The following RELN variants were observed in gnomAD, a reference collection of about 807,000 sequenced individuals.
The protein encoded by RELN is reelin.
Under a neutral mutation model 427.6 loss-of-function variants are expected in RELN, and 108 were observed. That is an observed-to-expected ratio of 0.25 (90% CI 0.22 to 0.30). The LOEUF (loss-of-function observed/expected upper bound fraction) is 0.30, where lower values mean the gene tolerates loss of function less well. Ranked by LOEUF, RELN falls within the 10% of genes least tolerant of loss-of-function variation. RELN has a pLI of 1.00. For missense variants in RELN, 3,715 were observed against 4,302.8 expected, an observed-to-expected ratio of 0.86 and a Z score of 3.82; for synonymous variants, 1,524 against 1,513.4, an observed-to-expected ratio of 1.01 and a Z score of -0.16.
intron 3 of RELN, among the ~76,000 whole-genome samples, chr7:103,813,771 C>T (rs2116347666): frequency 6.6e-6 from 1 of 152,184 alleles, no homozygotes; most frequent in East Asian, 1.9e-4. Context: ...GAAGATTTTT[C>T]TCTGTATTTT....
At chr7:103,724,326 A>T (rs367856447) in intron 7 of RELN, among the ~76,000 whole-genome samples, 3 of 152,286 alleles carry the variant, frequency 2.0e-5, no homozygotes, top group South Asian at 4.1e-4. Flanking sequence ...CAAGTGCTAT[A>T]CAATTCATGA....
chr7:103,793,489 A>C (rs1792218084), intron 3 of RELN, among the ~76,000 whole-genome samples: 1 of 151,876 alleles, frequency 6.6e-6, no homozygotes, highest in Admixed American at 6.6e-5. Context: ...AATTAGACTG[A>C]CTCTTCTCAG....
intron 16 of RELN, 52 bp downstream of exon 16, chr7:103,650,222 C>G (rs1219937888): frequency 9.1e-7 from 1 of 1,099,440 alleles, no homozygotes; most frequent in African/African-American, 1.5e-5. Flanking sequence ...AACAAAAGCA[C>G]AGGAAGACTC....
chr7:103,523,310 C>G, intron 47 of RELN, 81 bp downstream of exon 47: 1 of 1,548,708 alleles, frequency 6.5e-7, no homozygotes, highest in South Asian at 1.1e-5. Flanking sequence ...GGGAGTGATT[C>G]AAAAACCAGT....
Position 103,495,892 on chromosome 7 carries a change from G to A in RELN, c.9200C>T (p.Thr3067Ile). 6.2e-7 allele frequency: 1 copy of A among 1,613,584 alleles called. No homozygotes were observed. Among genetic ancestry groups the A allele is most frequent in the Non-Finnish European group, 8.5e-7 (1 of 1,179,786 alleles). ...QLVDTFDDEG[T>I]SHEENWSFYP... ...AAAACTCCAGTTTTCTTCATGGGAAGTGCCTTCTGTTAAGGAAAATTGGAA... is the reference window on the plus strand; with the variant it reads ...AAAACTCCAGTTTTCTTCATGGGAAATGCCTTCTGTTAAGGAAAATTGGAA... Residue 3067 changes from threonine to isoleucine, a missense_variant, in exon 57 of 65, where the codon ACT becomes ATT. Physicochemically the swap from Thr to Ile is moderately conservative, Grantham distance 89 (BLOSUM62 -1). This residue lies in a region of RELN where 1,310 missense variants were observed against 1,643.0 expected (regional missense o/e 0.80). Coordinates refer to ENST00000428762, the MANE Select transcript of RELN (RefSeq NM_005045.4).
Position 103,700,910 on chromosome 7 carries a change from C to G in RELN, c.902G>C (p.Arg301Thr). 6.4e-7 allele frequency: 1 copy of G among 1,574,460 alleles called. No individual in the cohort carries two copies. Among genetic ancestry groups the G allele is most frequent in the Non-Finnish European group, 8.7e-7 (1 of 1,144,156 alleles). ...SADWIQLEKI[R>T]APSNVSTIIH... is the part of the protein sequence containing the mutation. ...GAAAATACTTTAAATTACAACAAAC[C>G]TAATTTTCTCTAGCTGAATCCAGTC... is the stretch of plus-strand genomic sequence containing the variant. Residue 301 changes from arginine to threonine, a missense_variant and splice_region_variant, in exon 9 of 65, where the codon AGA (arginine) becomes ACA (threonine). Arg to Thr is a moderately conservative substitution (Grantham distance 71). Around this residue, in one of 4 missense-constraint regions of RELN, gnomAD observed 2,208 missense variants for 2,361.7 expected, o/e 0.93. Coordinates refer to ENST00000428762, the MANE Select transcript of RELN (RefSeq NM_005045.4).
At chr7:103,700,765 T>C (rs1332987051) in intron 9 of RELN, 145 bp downstream of exon 9, 3 of 680,810 alleles carry the variant, frequency 4.4e-6, no homozygotes, top group South Asian at 3.3e-5. Flanking sequence ...CTGGTCATAA[T>C]ATGTGCATCC....
chr7:103,779,082 C>T lies in RELN; in HGVS notation c.474-2455G>A, dbSNP rs901308474. ...ATTAATGGTAGATAAGATCTGATTT[C>T]AGGTCTTAGATTCGAGGCCTTGGAT... On this transcript the variant is annotated intron_variant, in intron 3 of 64. Coordinates refer to ENST00000428762, the MANE Select transcript of RELN (RefSeq NM_005045.4). 8.0e-4 allele frequency among the ~76,000 whole-genome samples: 121 copies of T among 152,142 alleles called. 1 individual carries two copies. Among genetic ancestry groups the T allele is most frequent in the African/African-American group, 2.9e-3 (120 of 41,432 alleles).
At chr7:103,638,892 C>A (rs772490754) in intron 17 of RELN, among the ~76,000 whole-genome samples, 1 of 152,184 alleles carries the variant, frequency 6.6e-6, no homozygotes, top group Non-Finnish European at 1.5e-5. Flanking sequence ...GAATATGATA[C>A]ACATAAAATG....
At chr7:103,706,143 T>C (rs73410852) in intron 8 of RELN, among the ~76,000 whole-genome samples, 12,039 of 151,942 alleles carry the variant, frequency 0.079, 1,314 homozygotes, top group African/African-American at 0.25. Context: ...AAAACCAAGA[T>C]CTAACTGAGT....
chr7:103,532,053 A>G lies in RELN; in HGVS notation c.7349+3263T>C, dbSNP rs553692278. ...ATGGAATCAACCTAATAGCCCATCAATGATAGACTGGATAAAGAAAATGTG... is the reference window on the plus strand; with the variant it reads ...ATGGAATCAACCTAATAGCCCATCAGTGATAGACTGGATAAAGAAAATGTG... On this transcript the variant is annotated intron_variant, in intron 46 of 64. Coordinates refer to ENST00000428762, the MANE Select transcript of RELN (RefSeq NM_005045.4). 7.2e-5 allele frequency among the ~76,000 whole-genome samples: 11 copies of G among 152,362 alleles called. No homozygotes were observed. The East Asian group carries it at 1.9e-3, about 27-fold the overall frequency.
chr7:103,686,960 C>T (rs1833777698), intron 10 of RELN, among the ~76,000 whole-genome samples: 1 of 152,056 alleles, frequency 6.6e-6, no homozygotes, highest in Admixed American at 6.6e-5. Context: ...TGCAGGAGGG[C>T]TGAAGTGCAT....
At position 103,565,507 on chromosome 7, in the gene RELN, A is replaced by T; in HGVS notation, c.4981T>A (p.Ser1661Thr). 6.2e-7 allele frequency: 1 copy of T among 1,613,884 alleles called. No homozygotes were observed. The highest frequency in any genetic ancestry group is 8.5e-7 in the Non-Finnish European group (1 of 1,179,926). Residue 1661 changes from serine (S) to threonine (T), a missense_variant, in exon 34 of 65, where the codon TCT becomes ACT. This residue lies in a region of RELN where 2,208 missense variants were observed against 2,361.7 expected (regional missense o/e 0.93). Transcript: ENST00000428762. The stretch of plus-strand genomic sequence containing the variant: ...CTCATTTCAAACTGCAAAAAGGTAG[A>T]TGCTGACACATGAAAATCCCAGGTC... Reference protein sequence around the residue: ...AETWDFHVSASTFLQFEMSMG... With the variant: ...AETWDFHVSATTFLQFEMSMG...
At chr7:103,763,053 T>C (rs1001598973) in intron 4 of RELN, among the ~76,000 whole-genome samples, 9 of 152,214 alleles carry the variant, frequency 5.9e-5, no homozygotes, top group Non-Finnish European at 1.0e-4. Context: ...AGGACAGTTA[T>C]TGCAGGTACA....
chr7:103,539,378 T>G (rs1830126148), intron 44 of RELN, 51 bp from the exon 45 acceptor site: 1 of 1,576,610 alleles, frequency 6.3e-7, no homozygotes, highest in Admixed American at 1.7e-5. Context: ...TTTTAAGAAA[T>G]GGAAAGTTCT....
intron 1 of RELN, among the ~76,000 whole-genome samples, chr7:103,961,272 G>T (rs554336135): frequency 6.2e-4 from 95 of 152,146 alleles, no homozygotes; most frequent in Non-Finnish European, 9.0e-4. Flanking sequence ...ATACTTTAAA[G>T]AATTCATGAC....
chr7:103,838,000 G>C (rs184913053), intron 2 of RELN, among the ~76,000 whole-genome samples: 2 of 152,206 alleles, frequency 1.3e-5, no homozygotes, highest in East Asian at 3.9e-4. Flanking sequence ...GAGGTAAGGA[G>C]ATCCAGACCA....
intron 4 of RELN, among the ~76,000 whole-genome samples, chr7:103,767,899 C>G (rs186631735): frequency 6.6e-6 from 1 of 152,080 alleles, no homozygotes; most frequent in Non-Finnish European, 1.5e-5. Context: ...CCTCTTCCCC[C>G]CTCCATCCAG....
intron 50 of RELN, among the ~76,000 whole-genome samples, chr7:103,514,536 GTA>G (rs1829510450): frequency 6.6e-6 from 1 of 152,120 alleles, no homozygotes; most frequent in Non-Finnish European, 1.5e-5. Context: ...TCACATGCTT[GTA>G]ATCCCAGCTA....
Sources: allele counts gnomAD v4.1 joint callset (sites outside exome capture counted in the v4.1 genomes callset), GRCh38; gene constraint gnomAD v4.1.1; regional missense constraint gnomAD v4.1.1; transcripts MANE v1.5; gene names NCBI Gene and HGNC (gene_info 2026-07-23, HGNC 2026-07-21).